ZNF277: variants seen among roughly 807,000 people sequenced by gnomAD.
The protein encoded by ZNF277 is zinc finger protein 277, also known as nuclear receptor-interacting factor 4.
Under a neutral mutation model 60.7 loss-of-function variants are expected in ZNF277, and 55 were observed. That is an observed-to-expected ratio of 0.91 (90% confidence interval 0.73 to 1.13). ZNF277 has a LOEUF of 1.13. Ranked by LOEUF, ZNF277 falls within the 50% of genes most tolerant of loss-of-function variation. The pLI, the probability that ZNF277 is intolerant of heterozygous loss-of-function variation, is 0.00. For synonymous variants in ZNF277, 178 were observed against 179.3 expected (o/e 0.99, Z 0.06); for missense variants, 510 against 523.0 (o/e 0.98, Z 0.24).
intron 1 of ZNF277, among the ~76,000 whole-genome samples, chr7:112,225,654 G>A (rs1822155868): frequency 6.6e-6 from 1 of 151,974 alleles, no homozygotes; most frequent in African/African-American, 2.4e-5. Context: ...ACATGTTCTT[G>A]GAGCCTAAAT....
intron 2 of ZNF277, among the ~76,000 whole-genome samples, chr7:112,290,063 C>G (rs754567459): frequency 4.6e-5 from 7 of 152,146 alleles, no homozygotes; most frequent in African/African-American, 7.2e-5. Flanking sequence ...TGGGCTCAAG[C>G]AATCCACCCA....
intron 1 of ZNF277, among the ~76,000 whole-genome samples, chr7:112,260,589 A>G (rs181227191): frequency 6.6e-6 from 1 of 152,294 alleles, no homozygotes; most frequent in African/African-American, 2.4e-5. Context: ...TGTAACATCA[A>G]CGTATATTCT....
chr7:112,212,191 T>C (rs1002048115), intron 1 of ZNF277, among the ~76,000 whole-genome samples: 1 of 152,252 alleles, frequency 6.6e-6, no homozygotes, highest in East Asian at 1.9e-4. Flanking sequence ...ATACTTTAGA[T>C]CTGGCCTTTA....
intron 4 of ZNF277, among the ~76,000 whole-genome samples, chr7:112,308,712 A>G (rs1208532442): frequency 6.6e-6 from 1 of 152,050 alleles, no homozygotes; most frequent in East Asian, 1.9e-4. Context: ...TAGAAGAGGA[A>G]AGATGTTTTC....
intron 5 of ZNF277, among the ~76,000 whole-genome samples, chr7:112,325,868 C>T (rs1028265098): frequency 6.6e-6 from 1 of 152,196 alleles, no homozygotes; most frequent in Non-Finnish European, 1.5e-5. Flanking sequence ...ACATCCCTCC[C>T]AGCAAGCTGC....
At chr7:112,248,305 G>A (rs911461977) in intron 1 of ZNF277, among the ~76,000 whole-genome samples, 1 of 150,216 alleles carries the variant, frequency 6.7e-6, no homozygotes, top group Non-Finnish European at 1.5e-5. Flanking sequence ...TGAATAGGGG[G>A]TGGGGGTTGA....
intron 1 of ZNF277, among the ~76,000 whole-genome samples, chr7:112,257,817 T>C (rs1192068461): frequency 6.6e-6 from 1 of 152,120 alleles, no homozygotes; most frequent in Admixed American, 6.5e-5. Flanking sequence ...TATTTTACTT[T>C]ATTTAATTTT....
At chr7:112,316,490 A>C (rs370795246) in intron 4 of ZNF277, among the ~76,000 whole-genome samples, 27 of 151,926 alleles carry the variant, frequency 1.8e-4, no homozygotes, top group African/African-American at 5.8e-4. Flanking sequence ...AGATTGCAAA[A>C]ATTTTCTCCC....
intron 1 of ZNF277, among the ~76,000 whole-genome samples, chr7:112,282,603 C>T (rs1350747440): frequency 6.6e-6 from 1 of 152,242 alleles, no homozygotes; most frequent in African/African-American, 2.4e-5. Flanking sequence ...TCTCCTCTAT[C>T]CACTGCTATT....
intron 1 of ZNF277, among the ~76,000 whole-genome samples, chr7:112,255,341 C>G (rs1452439166): frequency 9.2e-5 from 14 of 152,086 alleles, no homozygotes; most frequent in Non-Finnish European, 2.9e-5. Context: ...TTTTAAGAGG[C>G]AGGTAGGATC....
chr7:112,211,351 C>A (rs1821743911), intron 1 of ZNF277, among the ~76,000 whole-genome samples: 1 of 152,178 alleles, frequency 6.6e-6, no homozygotes, highest in Non-Finnish European at 1.5e-5. Flanking sequence ...ATATTTTGAA[C>A]CTGTTCCCTC....
chr7:112,342,574 A>G lies in ZNF277; in HGVS notation c.1198A>G (p.Thr400Ala), dbSNP rs886495654. 6.2e-7 allele frequency: 1 copy of G among 1,604,780 alleles called. No homozygotes were observed. Among genetic ancestry groups the G allele is most frequent in the Non-Finnish European group, 8.5e-7 (1 of 1,176,074 alleles). ...GGTTGTTTTCAGGTATTATTTTCCA[A>G]CCTATGAAAATGACACTCTCCTGTG... ...TWDQLEYYFP[T>A]YENDTLLCTL... Residue 400 changes from threonine to alanine, a missense_variant, in exon 12 of 12, where the codon ACC (threonine) becomes GCC (alanine). Thr to Ala is a moderately conservative substitution (Grantham distance 58). Coordinates refer to ENST00000361822, the MANE Select transcript of ZNF277 (RefSeq NM_021994.3).
chr7:112,291,205 T>C (rs1346839021), intron 2 of ZNF277, among the ~76,000 whole-genome samples: 5 of 152,176 alleles, frequency 3.3e-5, no homozygotes, highest in Admixed American at 3.3e-4. Flanking sequence ...AAATGTTAAC[T>C]TCTTATTTCT....
intron 1 of ZNF277, among the ~76,000 whole-genome samples, chr7:112,277,510 G>A (rs1791834256): frequency 6.6e-6 from 1 of 152,104 alleles, no homozygotes; most frequent in African/African-American, 2.4e-5. Context: ...CTGACCTCAG[G>A]TTAAGAACAT....
At chr7:112,314,174 G>A (rs1488901737) in intron 4 of ZNF277, among the ~76,000 whole-genome samples, 1 of 152,102 alleles carries the variant, frequency 6.6e-6, no homozygotes, top group Non-Finnish European at 1.5e-5. Context: ...ATCTGAAACT[G>A]AGTCCTAGAG....
At chr7:112,302,421 A>G (rs1792497247) in intron 4 of ZNF277, among the ~76,000 whole-genome samples, 1 of 152,122 alleles carries the variant, frequency 6.6e-6, no homozygotes, top group Non-Finnish European at 1.5e-5. Context: ...ATTTATATTT[A>G]TACTTTTCTT....
At chr7:112,213,414 C>T (rs1821805289) in intron 1 of ZNF277, among the ~76,000 whole-genome samples, 1 of 152,022 alleles carries the variant, frequency 6.6e-6, no homozygotes, top group Non-Finnish European at 1.5e-5. Context: ...TTTTATTTTC[C>T]TATGACAAAT....
intron 5 of ZNF277, among the ~76,000 whole-genome samples, chr7:112,324,616 C>T (rs1584411644): frequency 6.6e-6 from 1 of 152,182 alleles, no homozygotes; most frequent in Admixed American, 6.5e-5. Context: ...ACTGTGGCTA[C>T]AAGGGTGAAG....
intron 4 of ZNF277, among the ~76,000 whole-genome samples, chr7:112,308,362 A>T (rs970711989): frequency 2.0e-5 from 3 of 152,124 alleles, no homozygotes; most frequent in South Asian, 2.1e-4. Flanking sequence ...TAAAAAAAAT[A>T]AAAAATTAGC....
Sources: gnomAD v4.1 joint callset for allele counts (sites outside exome capture counted in the v4.1 genomes callset) on GRCh38, gnomAD v4.1.1 for gene constraint, MANE v1.5 for transcripts, NCBI Gene and HGNC (gene_info 2026-07-23, HGNC 2026-07-21) for gene names.